The following IFIT2 variants were observed in gnomAD, a reference collection of about 807,000 sequenced individuals.
IFIT2 encodes interferon induced protein with tetratricopeptide repeats 2.
In IFIT2, 3 loss-of-function variants were observed where a neutral mutation model predicts 2.5. The observed-to-expected ratio is 1.21, with a 90% CI of 0.55 to 3.14. IFIT2 has a LOEUF of 3.14. Ranked by LOEUF, IFIT2 falls within the 30% of genes most tolerant of loss-of-function variation. The pLI, the probability that IFIT2 is intolerant of heterozygous loss-of-function variation, is 0.03. For synonymous variants in IFIT2, 212 were observed against 200.7 expected, an observed-to-expected ratio of 1.06 and a Z score of -0.48; for missense variants, 493 against 558.9, an observed-to-expected ratio of 0.88 and a Z score of 1.19.
Position 89,307,458 on chromosome 10 carries a change from T to C in IFIT2, c.*83T>C. ...CCAAGTTGGTATTCAAAATATGTAA[T>C]GACTGGTATGGCAAAAGATTGGACT... On this transcript the variant is annotated 3_prime_UTR_variant, in exon 2 of 2. Coordinates refer to ENST00000371826, the MANE Select transcript of IFIT2 (RefSeq NM_001547.5). 1 of 1,103,376 alleles carries C rather than the reference T, an allele frequency of 9.1e-7. No individual in the cohort carries two copies. Among genetic ancestry groups the C allele is most frequent in the Admixed American group, 2.3e-5 (1 of 44,118 alleles). The allele number at this position is 1,103,376 out of a possible 1,614,324, so 68.3% of individuals were successfully genotyped here. A position where few individuals can be genotyped will look rare whatever the true frequency, so the allele number is the denominator to read the frequency against.
In IFIT2 at chr10:89,308,478, C is replaced by T. The variant is rs1202731891; in HGVS notation, c.*1103C>T. On this transcript the variant is annotated 3_prime_UTR_variant, in exon 2 of 2. Transcript: ENST00000371826. ...TGATAATAGATGGTGGGGTTTTCCC[C>T]CCTTTAGAAATGTTGGATATTAAGT... 6.6e-6 allele frequency: 1 copy of T among 152,096 alleles called. No individual in the cohort carries two copies. The highest frequency in any genetic ancestry group is 1.5e-5 in the Non-Finnish European group (1 of 68,016). The allele number at this position is 152,096 out of a possible 1,614,324, so 9.4% of individuals were successfully genotyped here.
At position 89,307,548 on chromosome 10, in the gene IFIT2, C is replaced by T; in HGVS notation, c.*173C>T. 1 of 564,142 alleles carries T rather than the reference C, an allele frequency of 1.8e-6. No individual in the cohort carries two copies. Among genetic ancestry groups the T allele is most frequent in the East Asian group, 2.9e-5 (1 of 34,260 alleles). The allele number at this position is 564,142 out of a possible 1,614,324, so 34.9% of individuals were successfully genotyped here. A position where few individuals can be genotyped will look rare whatever the true frequency, so the allele number is the denominator to read the frequency against. ...CCTGAATTGCTGGGTCTTGAGAGAG[C>T]CCAAGGAGTTCTGGGAGAGGGACCA... On this transcript the variant is annotated 3_prime_UTR_variant, in exon 2 of 2. Coordinates refer to ENST00000371826, the MANE Select transcript of IFIT2 (RefSeq NM_001547.5).
At chr10:89,304,050 G>A (rs1211607102) in intron 1 of IFIT2, among the ~76,000 whole-genome samples, 2 of 152,178 alleles carry the variant, frequency 1.3e-5, no homozygotes, top group African/African-American at 2.4e-5. Flanking sequence ...GTCCTGTGAA[G>A]CACTCTAGTA....
Position 89,306,225 on chromosome 10 carries a change from A to G in IFIT2, c.269A>G (p.Glu90Gly). ...LIQQEHADQAEIRSLVTWGNY... is the reference protein window; with the variant it reads ...LIQQEHADQAGIRSLVTWGNY... ...CAGCAAGAGCATGCTGACCAGGCAG[A>G]AATCAGAAGTCTGGTCACCTGGGGA... Residue 90 changes from glutamate (E) to glycine (G), a missense_variant, in exon 2 of 2, where the codon GAA (glutamate) becomes GGA (glycine). Glu to Gly is a moderately conservative substitution (Grantham distance 98, BLOSUM62 -2). Transcript: ENST00000371826. 1 of 1,614,184 alleles carries G rather than the reference A, an allele frequency of 6.2e-7. No individual in the cohort carries two copies. Among genetic ancestry groups the G allele is most frequent in the Non-Finnish European group, 8.5e-7 (1 of 1,180,000 alleles).
intron 1 of IFIT2, among the ~76,000 whole-genome samples, chr10:89,302,540 G>A (rs1320474313): frequency 6.6e-6 from 1 of 152,124 alleles, no homozygotes; most frequent in South Asian, 2.1e-4. Flanking sequence ...TTTAACAAAA[G>A]GGTTCTTTTC....
chr10:89,304,941 C>T (rs1182894904), intron 1 of IFIT2, among the ~76,000 whole-genome samples: 1 of 151,762 alleles, frequency 6.6e-6, no homozygotes, highest in African/African-American at 2.4e-5. Flanking sequence ...CCTGTAGCTG[C>T]ACTTCTTGCC....
chr10:89,306,873 T>C lies in IFIT2; in HGVS notation c.917T>C (p.Met306Thr). 1 of 1,614,040 alleles carries C rather than the reference T, an allele frequency of 6.2e-7. No individual in the cohort carries two copies. Among genetic ancestry groups the C allele is most frequent in the Non-Finnish European group, 8.5e-7 (1 of 1,179,948 alleles). ...GTAATGAATCTAAGAGAGAATGGAA[T>C]GTATGGGAAAAGAAAGTTACTGGAA... ...FQVMNLRENG[M>T]YGKRKLLELI... The change falls in exon 2 of 2, where the codon ATG becomes ACG. Residue 306 changes from methionine (M) to threonine (T), a missense_variant. By Grantham distance (81) the Met-to-Thr change is moderately conservative (BLOSUM62 -1). Transcript: ENST00000371826.
Position 89,306,870 on chromosome 10 carries a change from G to C in IFIT2, c.914G>C (p.Gly305Ala), listed in dbSNP as rs1843484129. The C allele has an allele frequency of 1.9e-6, 3 of 1,613,948 alleles. No individual in the cohort carries two copies. Among genetic ancestry groups the C allele is most frequent in the Non-Finnish European group, 2.5e-6 (3 of 1,179,984 alleles). Reference protein sequence around the residue: ...VFQVMNLRENGMYGKRKLLEL... With the variant: ...VFQVMNLRENAMYGKRKLLEL... ...CAAGTAATGAATCTAAGAGAGAATG[G>C]AATGTATGGGAAAAGAAAGTTACTG... Residue 305 changes from glycine (G) to alanine (A), a missense_variant, in exon 2 of 2, where the codon GGA becomes GCA. Gly to Ala is a moderately conservative substitution (Grantham distance 60). Coordinates refer to ENST00000371826, the MANE Select transcript of IFIT2 (RefSeq NM_001547.5).
At chr10:89,303,209 G>A (rs1843457144) in intron 1 of IFIT2, among the ~76,000 whole-genome samples, 2 of 152,050 alleles carry the variant, frequency 1.3e-5, no homozygotes, top group Non-Finnish European at 1.5e-5. Context: ...TTGCCCTTGT[G>A]CCCTAAGACA....
chr10:89,302,724 T>C (rs1843453157), intron 1 of IFIT2, among the ~76,000 whole-genome samples: 1 of 152,096 alleles, frequency 6.6e-6, no homozygotes. Context: ...TTGGAGAAAA[T>C]AGTTCTGTTC....
In IFIT2 at chr10:89,307,277, G is replaced by C. The variant is rs1451221876; in HGVS notation, c.1321G>C (p.Glu441Gln). The change falls in exon 2 of 2, where the codon GAG becomes CAG. Residue 441 changes from glutamate (E) to glutamine (Q), a missense_variant. By Grantham distance (29) the Glu-to-Gln change is conservative. Transcript: ENST00000371826. ...TTTGCATGTCTTGGCATTCCTTCAG[G>C]AGCTGAATGAAAAAATGCAACAAGC... ...EALHVLAFLQ[E>Q]LNEKMQQADE... The C allele has an allele frequency of 6.2e-7, 1 of 1,613,816 alleles. No homozygotes were observed. The highest frequency in any genetic ancestry group is 1.1e-5 in the South Asian group (1 of 91,054).
chr10:89,306,191 G>C lies in IFIT2; in HGVS notation c.235G>C (p.Glu79Gln). 9 of 1,614,170 alleles carry C rather than the reference G, an allele frequency of 5.6e-6. No homozygotes were observed. The highest frequency in any genetic ancestry group is 7.6e-6 in the Non-Finnish European group (9 of 1,180,016). ...CCTGGAATGCTTACGTAAAGCTGAAGAGTTAATCCAGCAAGAGCATGCTGA... is the reference window on the plus strand; with the variant it reads ...CCTGGAATGCTTACGTAAAGCTGAACAGTTAATCCAGCAAGAGCATGCTGA... Reference protein sequence around the residue: ...AALECLRKAEELIQQEHADQA... With the variant: ...AALECLRKAEQLIQQEHADQA... Residue 79 changes from glutamate (E) to glutamine (Q), a missense_variant, in exon 2 of 2, where the codon GAG becomes CAG. Coordinates refer to ENST00000371826, the MANE Select transcript of IFIT2 (RefSeq NM_001547.5).
In IFIT2 at chr10:89,307,681, T is replaced by C. The variant is rs4934470; in HGVS notation, c.*306T>C. 210,019 of 258,872 alleles carry C rather than the reference T, an allele frequency of 0.81. 86,301 individuals are homozygous for C. Among genetic ancestry groups the C allele is most frequent in the East Asian group, 0.98 (14,622 of 14,866 alleles). 16.0% of individuals were successfully genotyped at this position (258,872 alleles called of 1,614,324 possible). A position where few individuals can be genotyped will look rare whatever the true frequency, so the allele number is the denominator to read the frequency against. On this transcript the variant is annotated 3_prime_UTR_variant, in exon 2 of 2. Transcript: ENST00000371826. ...CTTAGTCACCTTTAGTGGAGTAATC[T>C]ACTGGGCTTGTTTCTATATTTATAT...
rs777286147 is a variant in IFIT2, at chr10:89,307,484, A to G, written c.*109A>G. On this transcript the variant is annotated 3_prime_UTR_variant, in exon 2 of 2. Transcript: ENST00000371826. ...GACTGGTATGGCAAAAGATTGGACT[A>G]AGACACTGGCCATACCACTGGACAG... 30 of 875,778 alleles carry G rather than the reference A, an allele frequency of 3.4e-5. No homozygotes were observed. The highest frequency in any genetic ancestry group is 1.0e-4 in the African/African-American group (6 of 59,422). The allele number at this position is 875,778 out of a possible 1,614,324, so 54.3% of individuals were successfully genotyped here.
chr10:89,307,976 A>T lies in IFIT2; in HGVS notation c.*601A>T, dbSNP rs1169102271. The T allele has an allele frequency of 2.0e-5, 3 of 152,912 alleles. No homozygotes were observed. The highest frequency in any genetic ancestry group is 6.5e-5 in the Admixed American group (1 of 15,404). The allele number at this position is 152,912 out of a possible 1,614,324, so 9.5% of individuals were successfully genotyped here. A position where few individuals can be genotyped will look rare whatever the true frequency, so the allele number is the denominator to read the frequency against. On this transcript the variant is annotated 3_prime_UTR_variant, in exon 2 of 2. Coordinates refer to ENST00000371826, the MANE Select transcript of IFIT2 (RefSeq NM_001547.5). ...GCCTGATTAATTGAGGTGGCAACAT[A>T]GTTTGAGACGAGGGCAGAGAACAGG...
Position 89,306,343 on chromosome 10 carries a change from T to C in IFIT2, c.387T>C (p.Ser129=). ...KVKHVCEKFS[S]PYRIESPELD... ...AACATGTCTGTGAGAAGTTTTCCAG[T>C]CCCTATAGAATTGAGAGTCCAGAGC... The change falls in exon 2 of 2, where the codon AGT becomes AGC. Residue 129 remains serine, a synonymous_variant. Coordinates refer to ENST00000371826, the MANE Select transcript of IFIT2 (RefSeq NM_001547.5). 13 of 1,614,088 alleles carry C rather than the reference T, an allele frequency of 8.1e-6. No homozygotes were observed. Among genetic ancestry groups the C allele is most frequent in the Non-Finnish European group, 1.1e-5 (13 of 1,179,996 alleles).
In IFIT2 at chr10:89,303,874, C is replaced by T. The variant is rs538294574; in HGVS notation, c.5+1746C>T. On this transcript the variant is annotated intron_variant, in intron 1 of 1. Transcript: ENST00000371826. ...GGTGTTAGGATGCGTGCTGCACATG[C>T]TTGGGGTCTGAGAGTGGTCATATTC... Among the ~76,000 whole-genome samples, 76 of 152,230 alleles carry T rather than the reference C, an allele frequency of 5.0e-4. 2 individuals carry two copies. Among genetic ancestry groups the T allele is most frequent in the African/African-American group, 1.6e-3 (67 of 41,534 alleles).
At position 89,307,382 on chromosome 10, in the gene IFIT2, G is replaced by A. The variant is rs1172475052; in HGVS notation, c.*7G>A. 6.3e-7 allele frequency: 1 copy of A among 1,583,604 alleles called. No individual in the cohort carries two copies. Among genetic ancestry groups the A allele is most frequent in the Non-Finnish European group, 8.6e-7 (1 of 1,161,246 alleles). ...AAGCTGGAATGGGGAATGAAGAATA[G>A]AGATGTGGTGCCCACTAGGCTACTG... is the stretch of plus-strand genomic sequence containing the variant. On this transcript the variant is annotated 3_prime_UTR_variant, in exon 2 of 2. Coordinates refer to ENST00000371826, the MANE Select transcript of IFIT2 (RefSeq NM_001547.5).
chr10:89,307,260 T>C lies in IFIT2; in HGVS notation c.1304T>C (p.Val435Ala). The change falls in exon 2 of 2, where the codon GTC becomes GCC. Residue 435 changes from valine (V) to alanine (A), a missense_variant. Val to Ala is a moderately conservative substitution (Grantham distance 64, BLOSUM62 0). Coordinates refer to ENST00000371826, the MANE Select transcript of IFIT2 (RefSeq NM_001547.5). ...KNGADSEALH[V>A]LAFLQELNEK... ...GGAGCAGATTCTGAGGCTTTGCATGTCTTGGCATTCCTTCAGGAGCTGAAT... is the reference window on the plus strand; with the variant it reads ...GGAGCAGATTCTGAGGCTTTGCATGCCTTGGCATTCCTTCAGGAGCTGAAT... 6.2e-7 allele frequency: 1 copy of C among 1,614,042 alleles called. No individual in the cohort carries two copies. The highest frequency in any genetic ancestry group is 8.5e-7 in the Non-Finnish European group (1 of 1,179,964).
Sources: gnomAD v4.1 joint callset for allele counts (sites outside exome capture counted in the v4.1 genomes callset) on GRCh38, gnomAD v4.1.1 for gene constraint, MANE v1.5 for transcripts, NCBI Gene and HGNC (gene_info 2026-07-23, HGNC 2026-07-21) for gene names.